THEMIS2: variants seen among roughly 807,000 people sequenced by gnomAD.
THEMIS2 encodes the protein protein THEMIS2.
In THEMIS2, 29 loss-of-function variants were observed where a neutral mutation model predicts 46.8. That is an observed-to-expected ratio of 0.62 (90% CI 0.46 to 0.84). The LOEUF (loss-of-function observed/expected upper bound fraction) is 0.84. THEMIS2 is among the 40% of genes least tolerant of loss of function. The pLI is 0.00. For missense variants in THEMIS2, 698 were observed against 834.7 expected (o/e 0.84, Z 2.02); for synonymous variants, 335 against 349.1 (o/e 0.96, Z 0.45).
intron 4 of THEMIS2, chr1:27,883,689 C>T (rs1406785525): frequency 6.5e-6 from 1 of 152,740 alleles, no homozygotes; most frequent in East Asian, 1.9e-4. Context: ...ACACCCAGGC[C>T]TTCTGCCAGC....
At chr1:27,874,334 C>T (rs2089541270) in intron 1 of THEMIS2, among the ~76,000 whole-genome samples, 1 of 151,992 alleles carries the variant, frequency 6.6e-6, no homozygotes, top group Non-Finnish European at 1.5e-5. Flanking sequence ...CACACCAGGC[C>T]CTGTTTTTTG....
At position 27,872,676 on chromosome 1, in the gene THEMIS2, GC is replaced by G; in HGVS notation, c.94+12del. On this transcript the variant is annotated intron_variant, in intron 1 of 5. Coordinates refer to ENST00000373921, the MANE Select transcript of THEMIS2 (RefSeq NM_001105556.3). This position sits in a 1 kb window ranked among gnomAD's most constrained non-coding sequence, Gnocchi z 4.9. ...GGGTCTACTTCGAGGGTGAGCGGGG[GC>G]TGGAACCCCTCCGAGCACTCCCTTG... 1 of 1,359,766 alleles carries G rather than the reference GC, an allele frequency of 7.4e-7. No individual in the cohort carries two copies. The highest frequency in any genetic ancestry group is 9.5e-7 in the Non-Finnish European group (1 of 1,050,916). The allele number at this position is 1,359,766 out of a possible 1,614,324, so 84.2% of individuals were successfully genotyped here. A position where few individuals can be genotyped will look rare whatever the true frequency, so the allele number is the denominator to read the frequency against.
At chr1:27,884,882 C>G in intron 4 of THEMIS2, 1 of 170,400 alleles carries the variant, frequency 5.9e-6, no homozygotes, top group Non-Finnish European at 1.3e-5. Flanking sequence ...CGTCATGTAG[C>G]ATCTGGCACA....
chr1:27,882,906 G>A lies in THEMIS2; in HGVS notation c.1582G>A (p.Val528Met). ...AGAGGGGTCTCTCCCCATAGCCACAGTGGAGGAGCTGACAGACACCTTCTA... is the reference window on the plus strand; with the variant it reads ...AGAGGGGTCTCTCCCCATAGCCACAATGGAGGAGCTGACAGACACCTTCTA... Reference protein sequence around the residue: ...LPEGSLPIATVEELTDTFYYR... With the variant: ...LPEGSLPIATMEELTDTFYYR... The change falls in exon 4 of 6, where the codon GTG becomes ATG. Residue 528 changes from valine to methionine, a missense_variant. Val to Met is a conservative substitution (Grantham distance 21). Transcript: ENST00000373921. The surrounding 1 kb of genome is among the most constrained non-coding windows in gnomAD (Gnocchi z 7.6). 1 of 1,614,068 alleles carries A rather than the reference G, an allele frequency of 6.2e-7. No individual in the cohort carries two copies. Among genetic ancestry groups the A allele is most frequent in the Non-Finnish European group, 8.5e-7 (1 of 1,180,016 alleles).
chr1:27,879,930 C>A lies in THEMIS2; in HGVS notation c.522C>A (p.Ala174=), dbSNP rs1242538680. ...CCTTCTGGACATGGGAGCCTAGTGCCCCTCGAACTCTGCTCCAGGTCCTAC... is the reference window on the plus strand; with the variant it reads ...CCTTCTGGACATGGGAGCCTAGTGCACCTCGAACTCTGCTCCAGGTCCTAC... ...KGPFWTWEPS[A]PRTLLQVLQD... The change falls in exon 3 of 6, where the codon GCC becomes GCA. Residue 174 remains alanine (A), a synonymous_variant. Transcript: ENST00000373921. The A allele has an allele frequency of 1.2e-6, 2 of 1,610,958 alleles. No individual in the cohort carries two copies. Among genetic ancestry groups the A allele is most frequent in the Non-Finnish European group, 1.7e-6 (2 of 1,178,746 alleles).
At chr1:27,883,106 T>C (rs2148642590) in intron 4 of THEMIS2, 63 bp downstream of exon 4, 2 of 1,371,714 alleles carry the variant, frequency 1.5e-6, no homozygotes, top group Non-Finnish European at 1.0e-6. Flanking sequence ...TTCTTTGTCA[T>C]GTCTGCCTGT....
chr1:27,878,625 A>AATTGT (rs2089628436), intron 2 of THEMIS2, among the ~76,000 whole-genome samples: 1 of 151,512 alleles, frequency 6.6e-6, no homozygotes, highest in Non-Finnish European at 1.5e-5. Flanking sequence ...TTTCTGAACC[A>AATTGT]TTTGAGAGTA....
At chr1:27,885,539 G>A (rs960105713) in intron 5 of THEMIS2, 88 bp downstream of exon 5, 1 of 1,488,552 alleles carries the variant, frequency 6.7e-7, no homozygotes, top group African/African-American at 1.4e-5. Context: ...GCCCTGTCCA[G>A]GGACAGACCC....
chr1:27,882,400 G>A lies in THEMIS2; in HGVS notation c.1076G>A (p.Arg359Lys). The change falls in exon 4 of 6, where the codon AGG becomes AAG. Residue 359 changes from arginine (R) to lysine (K), a missense_variant. Physicochemically the swap from Arg to Lys is conservative, Grantham distance 26 (BLOSUM62 2). Transcript: ENST00000373921. This position sits in a 1 kb window ranked among gnomAD's most constrained non-coding sequence, Gnocchi z 7.6. Reference sequence around the variant, plus strand: ...GCCACAAAGGACTGTGAGGGCGAGAGGGAGGAGAATCCCGAGTTCACGTCC... The same window carrying A: ...GCCACAAAGGACTGTGAGGGCGAGAAGGAGGAGAATCCCGAGTTCACGTCC... ...VVATKDCEGE[R>K]EENPEFTSLA... is the part of the protein sequence containing the mutation. 1.9e-6 allele frequency: 3 copies of A among 1,609,212 alleles called. No homozygotes were observed. The South Asian group carries it at 3.3e-5, about 18-fold the overall frequency.
intron 1 of THEMIS2, 144 bp from the exon 2 acceptor site, chr1:27,876,444 G>A (rs778185115): frequency 7.4e-5 from 75 of 1,018,500 alleles, no homozygotes; most frequent in Non-Finnish European, 1.0e-4. Flanking sequence ...GTGGGCATGA[G>A]GCAGGAACGA....
chr1:27,879,079 G>A (rs746341006), intron 2 of THEMIS2, among the ~76,000 whole-genome samples: 11 of 152,026 alleles, frequency 7.2e-5, no homozygotes, highest in Non-Finnish European at 1.3e-4. Context: ...GTCTGGAAGC[G>A]AGGTATTTAG....
In THEMIS2 at chr1:27,873,018, T is replaced by A. The variant is rs1257381732; in HGVS notation, c.94+353T>A. On this transcript the variant is annotated intron_variant, in intron 1 of 5. Transcript: ENST00000373921. ...GGCCGCTGGTGGTCGTGGCTGCGTC[T>A]TGATTCTGAAGTGCAGGGTCAGTCT... Among the ~76,000 whole-genome samples, 5 of 152,274 alleles carry A rather than the reference T, an allele frequency of 3.3e-5. No individual in the cohort carries two copies. The East Asian group carries it at 5.8e-4, about 18-fold the overall frequency.
Position 27,883,048 on chromosome 1 carries a change from T to C in THEMIS2, c.1719+5T>C, listed in dbSNP as rs112926087. On this transcript the variant is annotated splice_donor_5th_base_variant and intron_variant, in intron 4 of 5. Transcript: ENST00000373921. ...AGCAGTGAGGGAGGCGTCAAGGTACTAGTATAATCCCAGAGGGCACGGAGG... is the reference window on the plus strand; with the variant it reads ...AGCAGTGAGGGAGGCGTCAAGGTACCAGTATAATCCCAGAGGGCACGGAGG... 9.3e-6 allele frequency: 15 copies of C among 1,610,126 alleles called. No individual in the cohort carries two copies. Among genetic ancestry groups the C allele is most frequent in the Non-Finnish European group, 1.2e-5 (14 of 1,177,798 alleles).
Position 27,883,001 on chromosome 1 carries a change from C to T in THEMIS2, c.1677C>T (p.Gly559=), listed in dbSNP as rs763631374. The T allele has an allele frequency of 1.9e-6, 3 of 1,613,312 alleles. No individual in the cohort carries two copies. The highest frequency in any genetic ancestry group is 2.7e-5 in the African/African-American group (2 of 74,678). ...CACCCAGGCCCCCTAAAAATCAGGG[C>T]CTCAGCAAGCAGAGGAGACACAGCA... ...APPPRPPKNQ[G]LSKQRRHSSE... Residue 559 remains glycine (G), a synonymous_variant, in exon 4 of 6, where the codon GGC becomes GGT. Coordinates refer to ENST00000373921, the MANE Select transcript of THEMIS2 (RefSeq NM_001105556.3).
intron 1 of THEMIS2, among the ~76,000 whole-genome samples, chr1:27,874,965 GT>G (rs1428266476): frequency 6.6e-6 from 1 of 150,820 alleles, no homozygotes; most frequent in Non-Finnish European, 1.5e-5. Flanking sequence ...CTGAGAGGCT[GT>G]TTCTTTTTCT....
chr1:27,879,688 G>T lies in THEMIS2; in HGVS notation c.280G>T (p.Glu94Ter), dbSNP rs768112330. The T allele has an allele frequency of 8.3e-5, 134 of 1,612,968 alleles. 1 individual carries two copies. Among genetic ancestry groups the T allele is most frequent in the Non-Finnish European group, 1.1e-4 (129 of 1,179,424 alleles). ...CACCCCACAGAGCTATGAAACCCTGGAGGAGCTGGTCTCTGCCACAACTCA... is the reference window on the plus strand; with the variant it reads ...CACCCCACAGAGCTATGAAACCCTGTAGGAGCTGGTCTCTGCCACAACTCA... ...LNTPQSYETL[E>*]ELVSATTQSS... Residue 94 changes from glutamate to a stop codon, truncating the protein, a stop_gained, in exon 3 of 6, where the codon GAG (glutamate) becomes TAG (stop). Transcript: ENST00000373921. LOFTEE classifies it high-confidence loss of function.
rs1212189183 is a variant in THEMIS2 at position 27,882,942 on chromosome 1, C to T, written c.1618C>T (p.Arg540Trp). ...GACAGACACCTTCTATTATCGTCTT[C>T]GGAAGTTACCAGCCTGTGAGATCCA... is the stretch of plus-strand genomic sequence containing the variant. ...ELTDTFYYRL[R>W]KLPACEIQAP... The change falls in exon 4 of 6, where the codon CGG (arginine) becomes TGG (tryptophan). Residue 540 changes from arginine to tryptophan, a missense_variant. Arg to Trp is a moderately radical substitution (Grantham distance 101). Transcript: ENST00000373921. This position sits in a 1 kb window ranked among gnomAD's most constrained non-coding sequence, Gnocchi z 7.6. 2.5e-6 allele frequency: 4 copies of T among 1,613,828 alleles called. No homozygotes were observed. The highest frequency in any genetic ancestry group is 2.2e-5 in the East Asian group (1 of 44,858).
In THEMIS2 at chr1:27,885,364, TTCA is replaced by T. The variant is rs780025757; in HGVS notation, c.1793_1795del (p.Ile598del). The T allele has an allele frequency of 5.0e-6, 8 of 1,614,054 alleles. No individual in the cohort carries two copies. The highest frequency in any genetic ancestry group is 1.6e-4 in the Middle Eastern group (1 of 6,062). On this transcript the variant is annotated inframe_deletion, in exon 5 of 6. Transcript: ENST00000373921. Reference sequence around the variant, plus strand: ...ACCCAAGGCGAAGACCTTGCCAGAGTTCATCAAGGATGGCTCCAGTACGTACAG... The same window carrying T: ...ACCCAAGGCGAAGACCTTGCCAGAGTTCAAGGATGGCTCCAGTACGTACAG...
intron 2 of THEMIS2, among the ~76,000 whole-genome samples, chr1:27,878,122 CAA>C (rs71586806): frequency 5.1e-5 from 4 of 77,702 alleles, no homozygotes; most frequent in Non-Finnish European, 7.9e-5. Flanking sequence ...CTCTGTCTCT[CAA>C]AAAAAAAAAA....
Sources: allele counts gnomAD v4.1 joint callset (sites outside exome capture counted in the v4.1 genomes callset), GRCh38; gene constraint gnomAD v4.1.1; non-coding constraint Gnocchi (gnomAD v3.1); transcripts MANE v1.5; gene names NCBI Gene and HGNC (gene_info 2026-07-23, HGNC 2026-07-21).